ZFPM1: variants seen among roughly 807,000 people sequenced by gnomAD.
The protein encoded by ZFPM1 is zinc finger protein ZFPM1.
ZFPM1 carries 28 observed loss-of-function variants against 46.3 expected under a neutral mutation model. That is an observed-to-expected ratio of 0.60 (90% confidence interval 0.45 to 0.83). The LOEUF (loss-of-function observed/expected upper bound fraction) is 0.83. Among genes scored for constraint, ZFPM1 ranks in the 40% least tolerant of loss-of-function variants. The pLI, the probability that ZFPM1 is intolerant of heterozygous loss-of-function variation, is 0.00. For missense variants in ZFPM1, 1,878 were observed against 1,432.4 expected, an observed-to-expected ratio of 1.31 and a Z score of -5.02; for synonymous variants, 957 against 675.9, an observed-to-expected ratio of 1.42 and a Z score of -6.45.
rs966800733 is a variant in ZFPM1 at position 88,517,820 on chromosome 16, AGATGGATG to A, written c.402+3313_402+3320del. The stretch of plus-strand genomic sequence containing the variant: ...TGGGTGGCTGAAAGGGTGGGTGGGT[AGATGGATG>A]GATGGATGGATGAGTGGGTGAGTGG... On this transcript the variant is annotated intron_variant, in intron 4 of 9. Transcript: ENST00000319555. Among the ~76,000 whole-genome samples, 4 of 97,098 alleles carry A rather than the reference AGATGGATG, an allele frequency of 4.1e-5. No individual in the cohort carries two copies. The South Asian group carries it at 1.5e-3, about 37-fold the overall frequency. 63.7% of individuals were successfully genotyped at this position (97,098 alleles called of 152,430 possible).
At chr16:88,465,530 G>C (rs1279349525) in intron 1 of ZFPM1, among the ~76,000 whole-genome samples, 1 of 152,242 alleles carries the variant, frequency 6.6e-6, no homozygotes, top group Non-Finnish European at 1.5e-5. Context: ...CCCAGGGTGG[G>C]CATTTCGCCT....
intron 1 of ZFPM1, among the ~76,000 whole-genome samples, chr16:88,473,699 C>A (rs1489454999): frequency 1.3e-5 from 2 of 152,152 alleles, no homozygotes; most frequent in Non-Finnish European, 2.9e-5. Context: ...GGGGTCGCTC[C>A]CCAGCCCAGA....
chr16:88,486,521 G>C (rs1909232670), intron 2 of ZFPM1, among the ~76,000 whole-genome samples: 1 of 151,356 alleles, frequency 6.6e-6, no homozygotes, highest in Non-Finnish European at 1.5e-5. Context: ...AGTGGGTGCT[G>C]GGTGCACAGT....
At position 88,497,486 on chromosome 16, in the gene ZFPM1, G is replaced by A. The variant is rs1440760244; in HGVS notation, c.268+8333G>A. On this transcript the variant is annotated intron_variant, in intron 3 of 9. Transcript: ENST00000319555. The surrounding 1 kb of genome is among the most constrained non-coding windows in gnomAD (Gnocchi z 5.4). The stretch of plus-strand genomic sequence containing the variant: ...TCAGGGTGGGGCTCAGGGCCCGGGC[G>A]GGGATGGGGTTCAGAGGGGTCAGGG... Among the ~76,000 whole-genome samples, 3 of 145,304 alleles carry A rather than the reference G, an allele frequency of 2.1e-5. No individual in the cohort carries two copies. Among genetic ancestry groups the A allele is most frequent in the African/African-American group, 7.7e-5 (3 of 39,136 alleles).
chr16:88,533,863 G>A lies in ZFPM1; in HGVS notation c.1905G>A (p.Pro635=), dbSNP rs1913023273. 4.8e-5 allele frequency: 47 copies of A among 985,080 alleles called. No individual in the cohort carries two copies. The highest frequency in any genetic ancestry group is 5.5e-5 in the Non-Finnish European group (46 of 832,016). 61.0% of individuals were successfully genotyped at this position (985,080 alleles called of 1,614,324 possible). ...PPGQPAEPDA[P]RSSPGPGARE... is the part of the protein sequence containing the mutation. ...GCCAGCCCGCCGAACCCGACGCGCC[G>A]CGCTCGTCCCCGGGCCCCGGAGCGC... The change falls in exon 10 of 10, where the codon CCG becomes CCA. Residue 635 remains proline, a synonymous_variant. Transcript: ENST00000319555.
At position 88,480,468 on chromosome 16, in the gene ZFPM1, G is replaced by C. The variant is rs556815664; in HGVS notation, c.41-5471G>C. Among the ~76,000 whole-genome samples, 1 of 152,306 alleles carries C rather than the reference G, an allele frequency of 6.6e-6. No individual in the cohort carries two copies. The highest frequency in any genetic ancestry group is 2.4e-5 in the African/African-American group (1 of 41,564). ...CGTGGTGCTGGTGGGGGAGGAGCGGGGCCGTGTGGCTGCCAGTGGTCACCC... is the reference window on the plus strand; with the variant it reads ...CGTGGTGCTGGTGGGGGAGGAGCGGCGCCGTGTGGCTGCCAGTGGTCACCC... On this transcript the variant is annotated intron_variant, in intron 1 of 9. Transcript: ENST00000319555. This position sits in a 1 kb window ranked among gnomAD's most constrained non-coding sequence, Gnocchi z 4.9.
chr16:88,466,262 T>C (rs994154797), intron 1 of ZFPM1, among the ~76,000 whole-genome samples: 3 of 152,212 alleles, frequency 2.0e-5, no homozygotes, highest in Admixed American at 2.0e-4. Context: ...ACAGCTCCGT[T>C]ACCCAGCCCC....
At chr16:88,489,675 G>A (rs982248536) in intron 3 of ZFPM1, among the ~76,000 whole-genome samples, 7 of 152,224 alleles carry the variant, frequency 4.6e-5, no homozygotes, top group South Asian at 2.1e-4. Context: ...GGGCCACAGG[G>A]TGTGTCCTAG....
intron 7 of ZFPM1, 79 bp from the exon 8 acceptor site, chr16:88,532,535 G>T: frequency 7.0e-7 from 1 of 1,428,746 alleles, no homozygotes; most frequent in South Asian, 1.3e-5. Flanking sequence ...CACGGCCCTG[G>T]GCCCAGTCGC....
chr16:88,487,820 G>T (rs1909317611), intron 2 of ZFPM1, among the ~76,000 whole-genome samples: 2 of 152,162 alleles, frequency 1.3e-5, no homozygotes. Context: ...CCAGGGCTGG[G>T]GCCGCCATCT....
At chr16:88,523,169 G>C (rs563140201) in intron 4 of ZFPM1, among the ~76,000 whole-genome samples, 1 of 148,092 alleles carries the variant, frequency 6.8e-6, no homozygotes, top group East Asian at 2.0e-4. Context: ...TCATGCCATC[G>C]CACTCCAGGC....
At chr16:88,525,580 T>C (rs1377991656) in intron 4 of ZFPM1, among the ~76,000 whole-genome samples, 1 of 152,220 alleles carries the variant, frequency 6.6e-6, no homozygotes, top group African/African-American at 2.4e-5. Context: ...GACACCCAGG[T>C]GGCTAAGCTT....
At chr16:88,501,692 G>C (rs1438692033) in intron 3 of ZFPM1, among the ~76,000 whole-genome samples, 1 of 147,404 alleles carries the variant, frequency 6.8e-6, no homozygotes, top group African/African-American at 2.6e-5. Context: ...GTGGGTGCAG[G>C]GCCTCTCCCG....
chr16:88,512,673 C>CG (rs1911038574), intron 3 of ZFPM1, among the ~76,000 whole-genome samples: 1 of 152,184 alleles, frequency 6.6e-6, no homozygotes. Flanking sequence ...AGCCCTGACT[C>CG]GGGGGTGACA....
rs1467670022 is a variant in ZFPM1, at chr16:88,480,495, C to T, written c.41-5444C>T. 6.6e-6 allele frequency among the ~76,000 whole-genome samples: 1 copy of T among 152,222 alleles called. No homozygotes were observed. The highest frequency in any genetic ancestry group is 2.4e-5 in the African/African-American group (1 of 41,452). ...CCGTGTGGCTGCCAGTGGTCACCCG[C>T]CCCACCAGCTGCTCACATGGGGCCT... is the stretch of plus-strand genomic sequence containing the variant. On this transcript the variant is annotated intron_variant, in intron 1 of 9. Transcript: ENST00000319555. This position sits in a 1 kb window ranked among gnomAD's most constrained non-coding sequence, Gnocchi z 4.9.
At chr16:88,501,080 G>C (rs1364948199) in intron 3 of ZFPM1, among the ~76,000 whole-genome samples, 2 of 95,800 alleles carry the variant, frequency 2.1e-5, no homozygotes, top group Non-Finnish European at 4.6e-5. Context: ...TCATGGATGC[G>C]GGGGCCCTCC....
intron 4 of ZFPM1, among the ~76,000 whole-genome samples, chr16:88,520,664 G>A: frequency 7.0e-6 from 1 of 142,408 alleles, no homozygotes; most frequent in Non-Finnish European, 1.5e-5. Context: ...TGGATGGGAG[G>A]GTGGGTGGAT....
intron 1 of ZFPM1, among the ~76,000 whole-genome samples, chr16:88,482,888 G>A (rs1030123110): frequency 1.3e-5 from 2 of 152,214 alleles, no homozygotes; most frequent in Non-Finnish European, 2.9e-5. Flanking sequence ...AGCACCTCCT[G>A]ACCTTCTGGA....
At position 88,533,211 on chromosome 16, in the gene ZFPM1, T is replaced by C; in HGVS notation, c.1253T>C (p.Leu418Pro). The change falls in exon 10 of 10, where the codon CTG becomes CCG. Residue 418 changes from leucine (L) to proline (P), a missense_variant. Leu to Pro is a moderately conservative substitution (Grantham distance 98, BLOSUM62 -3). Transcript: ENST00000319555. ...ALQGPLASAD[L>P]GLAPTPSPGL... ...CAAGGCCCCCTGGCCTCCGCGGACCTGGGCCTGGCGCCCACCCCATCGCCA... is the reference window on the plus strand; with the variant it reads ...CAAGGCCCCCTGGCCTCCGCGGACCCGGGCCTGGCGCCCACCCCATCGCCA... 3 of 1,560,242 alleles carry C rather than the reference T, an allele frequency of 1.9e-6. No homozygotes were observed. The highest frequency in any genetic ancestry group is 8.6e-7 in the Non-Finnish European group (1 of 1,161,214).
Sources: allele counts gnomAD v4.1 joint callset (sites outside exome capture counted in the v4.1 genomes callset), GRCh38; gene constraint gnomAD v4.1.1; non-coding constraint Gnocchi (gnomAD v3.1); transcripts MANE v1.5; gene names NCBI Gene and HGNC (gene_info 2026-07-23, HGNC 2026-07-21).